Variants in CHCHD6 observed in about 807,000 individuals in gnomAD.
CHCHD6 encodes MICOS complex subunit MIC25.
Under a neutral mutation model 32.3 loss-of-function variants are expected in CHCHD6, and 28 were observed. That is an observed-to-expected ratio of 0.87 (90% CI 0.64 to 1.19). CHCHD6 has a LOEUF of 1.19. Among genes scored for constraint, CHCHD6 ranks in the 50% most tolerant of loss-of-function variants. CHCHD6 has a pLI of 0.00. For synonymous variants in CHCHD6, 122 were observed against 117.5 expected (o/e 1.04, Z -0.25); for missense variants, 333 against 307.0 (o/e 1.08, Z -0.63).
At chr3:126,806,571 CA>C (rs1939392323) in intron 4 of CHCHD6, among the ~76,000 whole-genome samples, 1 of 151,802 alleles carries the variant, frequency 6.6e-6, no homozygotes, top group Non-Finnish European at 1.5e-5. Flanking sequence ...AGGATGTGGA[CA>C]AATAGGAACA....
intron 5 of CHCHD6, among the ~76,000 whole-genome samples, chr3:126,885,602 CAG>C (rs1450941265): frequency 6.6e-6 from 1 of 152,178 alleles, no homozygotes; most frequent in Non-Finnish European, 1.5e-5. Context: ...TGAGCTCTTT[CAG>C]AGAGTAATGT....
chr3:126,851,452 G>A (rs1201304786), intron 4 of CHCHD6, among the ~76,000 whole-genome samples: 1 of 152,260 alleles, frequency 6.6e-6, no homozygotes, highest in Non-Finnish European at 1.5e-5. Context: ...TTGTGCTCTT[G>A]TGGGTAGTGA....
At chr3:126,713,995 T>G (rs966443519) in intron 1 of CHCHD6, among the ~76,000 whole-genome samples, 2 of 135,894 alleles carry the variant, frequency 1.5e-5, no homozygotes, top group African/African-American at 2.9e-5. Flanking sequence ...GAGAATGGCA[T>G]GAACCTGGGA....
chr3:126,717,571 C>T (rs1362953754), intron 1 of CHCHD6, among the ~76,000 whole-genome samples: 1 of 152,082 alleles, frequency 6.6e-6, no homozygotes, highest in Admixed American at 6.5e-5. Flanking sequence ...GAGTTTGAGA[C>T]CACCTGGGCA....
At chr3:126,941,821 G>A (rs1359565099) in intron 6 of CHCHD6, among the ~76,000 whole-genome samples, 4 of 151,984 alleles carry the variant, frequency 2.6e-5, no homozygotes, top group Admixed American at 2.6e-4. Context: ...TGCACCATGG[G>A]CCTCCCAAGA....
chr3:126,814,126 G>A (rs1939777673), intron 4 of CHCHD6, among the ~76,000 whole-genome samples: 1 of 152,158 alleles, frequency 6.6e-6, no homozygotes, highest in South Asian at 2.1e-4. Context: ...GTGGGTTATC[G>A]ATATCAGAGG....
At chr3:126,789,823 C>T (rs1938430600) in intron 4 of CHCHD6, among the ~76,000 whole-genome samples, 1 of 151,928 alleles carries the variant, frequency 6.6e-6, no homozygotes, top group Non-Finnish European at 1.5e-5. Context: ...AGCCCATTTA[C>T]ATTTAAGGTT....
At chr3:126,867,994 G>C (rs1942345213) in intron 5 of CHCHD6, among the ~76,000 whole-genome samples, 1 of 152,212 alleles carries the variant, frequency 6.6e-6, no homozygotes, top group Non-Finnish European at 1.5e-5. Context: ...GGCCCTGCTT[G>C]TGGCTCCAGG....
At chr3:126,790,468 C>T (rs1340894298) in intron 4 of CHCHD6, among the ~76,000 whole-genome samples, 9 of 152,300 alleles carry the variant, frequency 5.9e-5, no homozygotes, top group South Asian at 4.2e-4. Context: ...ACCAATCAGA[C>T]GTAGATTTGG....
At chr3:126,767,053 G>A in intron 4 of CHCHD6, 2 of 968,422 alleles carry the variant, frequency 2.1e-6, no homozygotes, top group Non-Finnish European at 3.3e-6. Context: ...TCACTCAATG[G>A]GGAACCAGTC....
chr3:126,905,471 A>G (rs2077991191), intron 5 of CHCHD6, among the ~76,000 whole-genome samples: 1 of 152,184 alleles, frequency 6.6e-6, no homozygotes. Flanking sequence ...TTGCAGGAGA[A>G]GTGCAGCGCC....
intron 5 of CHCHD6, among the ~76,000 whole-genome samples, chr3:126,862,269 C>T (rs1238982525): frequency 1.4e-5 from 2 of 138,506 alleles, no homozygotes; most frequent in East Asian, 2.3e-4. Flanking sequence ...CCATCACCTC[C>T]TCCTCCTCTA....
intron 4 of CHCHD6, among the ~76,000 whole-genome samples, chr3:126,787,207 A>G (rs1938260594): frequency 6.6e-6 from 1 of 152,172 alleles, no homozygotes; most frequent in South Asian, 2.1e-4. Context: ...TACCAGTACC[A>G]TGCTGTTTTG....
At chr3:126,828,867 C>A (rs944795491) in intron 4 of CHCHD6, among the ~76,000 whole-genome samples, 7 of 152,144 alleles carry the variant, frequency 4.6e-5, no homozygotes, top group African/African-American at 1.7e-4. Flanking sequence ...TTGCGTTCCC[C>A]TTTTTGTTTT....
chr3:126,713,584 G>T (rs1187103390), intron 1 of CHCHD6, among the ~76,000 whole-genome samples: 2 of 152,194 alleles, frequency 1.3e-5, no homozygotes, highest in East Asian at 1.9e-4. Flanking sequence ...GCCTTTGGTG[G>T]TGTCCCCTGC....
At chr3:126,849,972 C>T (rs1172513204) in intron 4 of CHCHD6, among the ~76,000 whole-genome samples, 1 of 152,168 alleles carries the variant, frequency 6.6e-6, no homozygotes. Flanking sequence ...TGTGGAGTGG[C>T]GGGTGCTGCC....
At chr3:126,797,373 A>G (rs569317294) in intron 4 of CHCHD6, among the ~76,000 whole-genome samples, 1 of 152,324 alleles carries the variant, frequency 6.6e-6, no homozygotes, top group South Asian at 2.1e-4. Flanking sequence ...TATTTGACAT[A>G]GAGCTTCCCA....
chr3:126,834,629 T>A (rs1940780306), intron 4 of CHCHD6, among the ~76,000 whole-genome samples: 1 of 152,200 alleles, frequency 6.6e-6, no homozygotes, highest in Non-Finnish European at 1.5e-5. Context: ...CCCTCCTTTC[T>A]GTGTCATTTA....
chr3:126,785,197 T>C (rs1375048230), intron 4 of CHCHD6, among the ~76,000 whole-genome samples: 1 of 152,102 alleles, frequency 6.6e-6, no homozygotes, highest in East Asian at 1.9e-4. Flanking sequence ...CTTTTCATTA[T>C]AGAAAGTTTA....
Sources: gnomAD v4.1 joint callset for allele counts (sites outside exome capture counted in the v4.1 genomes callset) on GRCh38, gnomAD v4.1.1 for gene constraint, MANE v1.5 for transcripts, NCBI Gene and HGNC (gene_info 2026-07-23, HGNC 2026-07-21) for gene names.